Variants in MGAT4C observed in about 807,000 individuals in gnomAD.
MGAT4C encodes the protein MGAT4 family member C.
A neutral mutation model predicts 40.1 loss-of-function variants in MGAT4C; 19 were observed. That is an observed-to-expected ratio of 0.47 (90% CI 0.33 to 0.70). The LOEUF (loss-of-function observed/expected upper bound fraction) is 0.70, where lower values mean the gene tolerates loss of function less well. MGAT4C is among the 30% of genes least tolerant of loss of function. The pLI is 0.02. For synonymous variants in MGAT4C, 181 were observed against 187.1 expected, an observed-to-expected ratio of 0.97 and a Z score of 0.27; for missense variants, 491 against 563.2, an observed-to-expected ratio of 0.87 and a Z score of 1.30.
chr12:86,288,925 A>AT lies in MGAT4C; in HGVS notation c.-57+45139dup, dbSNP rs911298662. Among the ~76,000 whole-genome samples, 43 of 152,156 alleles carry AT rather than the reference A, an allele frequency of 2.8e-4. 3 individuals carry two copies. The East Asian group carries it at 3.5e-3, about 12-fold the overall frequency. On this transcript the variant is annotated intron_variant, in intron 4 of 7. Transcript: ENST00000548651. Reference sequence around the variant, plus strand: ...AAGCTCTTTAGTTTAATTAGGTCTCATTTTTTAATTTTTGTCTTTGTCACA... The same window carrying AT: ...AAGCTCTTTAGTTTAATTAGGTCTCATTTTTTTAATTTTTGTCTTTGTCACA...
rs1883428270 is a variant in MGAT4C at position 85,967,645 on chromosome 12, A to T, written c.*11644T>A. The T allele has an allele frequency of 3.3e-5, 5 of 152,118 alleles. No homozygotes were observed. The highest frequency in any genetic ancestry group is 3.3e-4 in the Admixed American group (5 of 15,254). 9.4% of individuals were successfully genotyped at this position (152,118 alleles called of 1,614,324 possible). A position where few individuals can be genotyped will look rare whatever the true frequency, so the allele number is the denominator to read the frequency against. ...ACTATGTAGAAAAATATTTTAAATA[A>T]GACAGAGCATTAAAATAATGTATTC... On this transcript the variant is annotated 3_prime_UTR_variant, in exon 5 of 5. Coordinates refer to ENST00000611864, the MANE Select transcript of MGAT4C (RefSeq NM_001351288.2).
intron 1 of MGAT4C, among the ~76,000 whole-genome samples, chr12:86,135,353 G>C (rs1881785817): frequency 6.6e-6 from 1 of 152,152 alleles, no homozygotes; most frequent in Non-Finnish European, 1.5e-5. Flanking sequence ...AATGCCATTA[G>C]TAAAAATCAC....
chr12:86,761,529 A>C (rs1951406084), intron 1 of MGAT4C, among the ~76,000 whole-genome samples: 4 of 152,234 alleles, frequency 2.6e-5, no homozygotes, highest in Admixed American at 2.6e-4. Flanking sequence ...TGCTTAAAAC[A>C]ACACAAATCT....
At chr12:86,446,680 T>TATATATATATATAC (rs1565769357) in intron 2 of MGAT4C, among the ~76,000 whole-genome samples, 28 of 120,118 alleles carry the variant, frequency 2.3e-4, no homozygotes, top group Non-Finnish European at 3.7e-4. Context: ...TATATATATA[T>TATATATATATATAC]ATATATATAT....
rs903874157 is a variant in MGAT4C at position 86,465,537 on chromosome 12, CA to C, written c.-228-30273del. ...AGTCTTAAACCTCAACAATAAAAAG[CA>C]AAAAACCTGAGTTAAAAAAAAAATA... On this transcript the variant is annotated intron_variant, in intron 2 of 7. Coordinates refer to the MGAT4C transcript ENST00000548651. 3.3e-5 allele frequency among the ~76,000 whole-genome samples: 5 copies of C among 150,872 alleles called. No individual in the cohort carries two copies. In the East Asian group the frequency reaches 7.8e-4, roughly 23 times the overall value.
intron 1 of MGAT4C, among the ~76,000 whole-genome samples, chr12:86,801,539 G>A (rs952557779): frequency 2.0e-5 from 3 of 151,682 alleles, no homozygotes; most frequent in African/African-American, 7.3e-5. Flanking sequence ...TTTTTCTGTT[G>A]GTTACAAGGC....
At chr12:86,063,034 G>C (rs1277239523) in intron 1 of MGAT4C, among the ~76,000 whole-genome samples, 1 of 151,990 alleles carries the variant, frequency 6.6e-6, no homozygotes, top group Non-Finnish European at 1.5e-5. Context: ...ACACCACAAA[G>C]ATACTCTTCA....
At chr12:86,783,171 C>T (rs1951872730) in intron 1 of MGAT4C, among the ~76,000 whole-genome samples, 1 of 152,146 alleles carries the variant, frequency 6.6e-6, no homozygotes, top group Non-Finnish European at 1.5e-5. Context: ...ACTGAGAACA[C>T]TGGTTTGAGG....
At chr12:86,154,746 T>C (rs991444036) in intron 1 of MGAT4C, among the ~76,000 whole-genome samples, 2 of 152,220 alleles carry the variant, frequency 1.3e-5, no homozygotes, top group Non-Finnish European at 2.9e-5. Context: ...ATCAAGAACC[T>C]TACTTTTATG....
chr12:86,000,117 C>A (rs1010408404), intron 2 of MGAT4C, among the ~76,000 whole-genome samples: 1 of 151,658 alleles, frequency 6.6e-6, no homozygotes, highest in Non-Finnish European at 1.5e-5. Context: ...CTGTACCACA[C>A]AAATATGTAA....
At chr12:86,716,460 T>A (rs1389216851) in intron 2 of MGAT4C, among the ~76,000 whole-genome samples, 1 of 152,056 alleles carries the variant, frequency 6.6e-6, no homozygotes, top group Non-Finnish European at 1.5e-5. Context: ...TTTAGTATCT[T>A]GCCCTTGCAA....
At chr12:86,232,494 T>A (rs1452414929) in intron 1 of MGAT4C, among the ~76,000 whole-genome samples, 1 of 152,190 alleles carries the variant, frequency 6.6e-6, no homozygotes, top group Admixed American at 6.5e-5. Context: ...CCTAACTTGG[T>A]CATTCACTCT....
At chr12:86,608,062 G>T (rs1428478388) in intron 2 of MGAT4C, among the ~76,000 whole-genome samples, 1 of 151,854 alleles carries the variant, frequency 6.6e-6, no homozygotes, top group Non-Finnish European at 1.5e-5. Flanking sequence ...ATTAATTTGA[G>T]GTTAATATGT....
chr12:86,255,030 A>G (rs1024732166), intron 1 of MGAT4C, among the ~76,000 whole-genome samples: 17 of 152,232 alleles, frequency 1.1e-4, no homozygotes, highest in African/African-American at 4.1e-4. Flanking sequence ...TTAATTATCA[A>G]AATTACTAGT....
At chr12:86,120,250 G>A (rs1879153186) in intron 1 of MGAT4C, among the ~76,000 whole-genome samples, 1 of 151,396 alleles carries the variant, frequency 6.6e-6, no homozygotes, top group Admixed American at 6.6e-5. Context: ...TATACTTTAA[G>A]TTCGAGGGTA....
intron 2 of MGAT4C, among the ~76,000 whole-genome samples, chr12:86,613,750 G>A (rs1332845245): frequency 6.6e-6 from 1 of 151,934 alleles, no homozygotes; most frequent in Non-Finnish European, 1.5e-5. Context: ...TATATTTTAG[G>A]TTCAATATAT....
intron 2 of MGAT4C, among the ~76,000 whole-genome samples, chr12:86,034,285 G>A (rs1408284673): frequency 6.7e-6 from 1 of 149,414 alleles, no homozygotes; most frequent in Non-Finnish European, 1.5e-5. Flanking sequence ...TTAGGAAGGA[G>A]TCCCTTCTCT....
intron 4 of MGAT4C, among the ~76,000 whole-genome samples, chr12:86,272,637 G>C (rs1313227504): frequency 6.6e-6 from 1 of 152,010 alleles, no homozygotes; most frequent in Non-Finnish European, 1.5e-5. Flanking sequence ...GATTGCTTGA[G>C]CTCAGGAGTT....
chr12:86,174,670 T>C (rs1402615432), intron 1 of MGAT4C, among the ~76,000 whole-genome samples: 1 of 152,184 alleles, frequency 6.6e-6, no homozygotes, highest in African/African-American at 2.4e-5. Context: ...TATCAAAACA[T>C]TCTTAATGAA....
Sources: gnomAD v4.1 joint callset for allele counts (sites outside exome capture counted in the v4.1 genomes callset) on GRCh38, gnomAD v4.1.1 for gene constraint, MANE v1.5 for transcripts, NCBI Gene and HGNC (gene_info 2026-07-23, HGNC 2026-07-21) for gene names.